The following SYNPO variants were observed in gnomAD, a reference collection of about 807,000 sequenced individuals.
SYNPO encodes the protein synaptopodin.
Under a neutral mutation model 49.5 loss-of-function variants are expected in SYNPO, and 19 were observed. That is an observed-to-expected ratio of 0.38 (90% CI 0.27 to 0.56). The LOEUF (loss-of-function observed/expected upper bound fraction) is 0.56. SYNPO is among the 20% of genes least tolerant of loss of function. The pLI is 0.68. For missense variants in SYNPO, 1,131 were observed against 1,248.3 expected, an observed-to-expected ratio of 0.91 and a Z score of 1.42; for synonymous variants, 536 against 548.0, an observed-to-expected ratio of 0.98 and a Z score of 0.31.
the SYNPO span, among the ~76,000 whole-genome samples, chr5:150,595,404 G>A: frequency 3.9e-4 from 59 of 152,350 alleles, no homozygotes; most frequent in African/African-American, 1.3e-3. Context: ...GAGGCCCAGC[G>A]AGGAGAAGAA....
At chr5:150,599,704 G>A (rs1018418041), upstream of SYNPO, among the ~76,000 whole-genome samples, 4 of 152,174 alleles carry the variant, frequency 2.6e-5, no homozygotes, top group African/African-American at 7.2e-5. Context: ...CCTGGGGGTC[G>A]GCGGTGGGGG....
At chr5:150,598,059 T>C (rs1201076513), upstream of SYNPO, among the ~76,000 whole-genome samples, 1 of 152,120 alleles carries the variant, frequency 6.6e-6, no homozygotes, top group Admixed American at 6.5e-5. Context: ...CACTCCTCAG[T>C]AGTGGGATCT....
chr5:150,656,324 C>T, intron 2 of SYNPO, 80 bp from the exon 3 acceptor site: 1 of 1,193,396 alleles, frequency 8.4e-7, no homozygotes, highest in South Asian at 1.4e-5. Flanking sequence ...ATGGACAAAT[C>T]GGACTCCGTC....
At chr5:150,627,407 G>A (rs1173643982) in intron 2 of SYNPO, among the ~76,000 whole-genome samples, 1 of 152,194 alleles carries the variant, frequency 6.6e-6, no homozygotes, top group Admixed American at 6.5e-5. Context: ...GTGACCTTGG[G>A]TAAATCCCTT....
intron 2 of SYNPO, among the ~76,000 whole-genome samples, chr5:150,633,282 T>G (rs1170316660): frequency 6.6e-6 from 1 of 152,196 alleles, no homozygotes; most frequent in South Asian, 2.1e-4. Flanking sequence ...AAGAATCTTT[T>G]AGAGGAAACT....
intron 2 of SYNPO, among the ~76,000 whole-genome samples, chr5:150,632,927 G>A (rs761691258): frequency 6.6e-6 from 1 of 152,134 alleles, no homozygotes; most frequent in Non-Finnish European, 1.5e-5. Flanking sequence ...ATGTGCAGAG[G>A]GGAGGGCAAT....
At chr5:150,636,568 G>A (rs1757721746), upstream of SYNPO, among the ~76,000 whole-genome samples, 1 of 152,200 alleles carries the variant, frequency 6.6e-6, no homozygotes, top group African/African-American at 2.4e-5. Flanking sequence ...AGGGAAACAT[G>A]GAGGGCAGGA....
intron 1 of SYNPO, among the ~76,000 whole-genome samples, chr5:150,608,160 C>T (rs1581450698): frequency 6.6e-6 from 1 of 152,200 alleles, no homozygotes; most frequent in East Asian, 1.9e-4. Flanking sequence ...GGTGGTGGTC[C>T]AGGAAGAAGC....
intron 1 of SYNPO, among the ~76,000 whole-genome samples, chr5:150,643,451 G>A (rs1561650868): frequency 6.6e-6 from 1 of 152,236 alleles, no homozygotes; most frequent in Non-Finnish European, 1.5e-5. Context: ...CAGGACTAGA[G>A]ATGTTTATCC....
At chr5:150,640,367 G>T (rs1364778503), upstream of SYNPO, among the ~76,000 whole-genome samples, 1 of 152,204 alleles carries the variant, frequency 6.6e-6, no homozygotes. Context: ...TCATTGGGCA[G>T]CTGTGGGAAC....
chr5:150,609,790 G>GGGA (rs1554107089), intron 1 of SYNPO, among the ~76,000 whole-genome samples: 1 of 151,640 alleles, frequency 6.6e-6, no homozygotes, highest in Non-Finnish European at 1.5e-5. Context: ...ATGTGGCGGG[G>GGGA]GGGGGCAGTG....
intron 2 of SYNPO, chr5:150,651,674 G>C: frequency 1.0e-6 from 1 of 1,001,046 alleles, no homozygotes; most frequent in South Asian, 4.7e-5. Context: ...GTGCATAGCA[G>C]TGCAGTGGGA....
At chr5:150,611,746 G>A (rs1172536724) in intron 1 of SYNPO, among the ~76,000 whole-genome samples, 2 of 152,224 alleles carry the variant, frequency 1.3e-5, no homozygotes, top group East Asian at 3.8e-4. Context: ...ACTAGAAGAA[G>A]GGATCGGGAC....
In SYNPO at chr5:150,648,155, C is replaced by T. The variant is rs746050334; in HGVS notation, c.-121C>T. 2.6e-6 allele frequency: 4 copies of T among 1,555,688 alleles called. No individual in the cohort carries two copies. Among genetic ancestry groups the T allele is most frequent in the Non-Finnish European group, 3.5e-6 (4 of 1,149,202 alleles). On this transcript the variant is annotated 5_prime_UTR_variant, in exon 2 of 3. Coordinates refer to ENST00000307662, the MANE Select transcript of SYNPO (RefSeq NM_007286.6). This position sits in a 1 kb window ranked among gnomAD's most constrained non-coding sequence, Gnocchi z 5.0. Reference sequence around the variant, plus strand: ...CCAGCCAGGAGTCCCTCAGAGTGCTCCCTTCAAGCCTCCCAGGCCATGCAC... The same window carrying T: ...CCAGCCAGGAGTCCCTCAGAGTGCTTCCTTCAAGCCTCCCAGGCCATGCAC...
At chr5:150,647,465 C>T (rs1045331444) in intron 1 of SYNPO, among the ~76,000 whole-genome samples, 2 of 152,186 alleles carry the variant, frequency 1.3e-5, no homozygotes, top group Admixed American at 6.5e-5. Context: ...GGACTGCTAC[C>T]TGGGAAAAGA....
rs751500174 is a variant in SYNPO at position 150,649,626 on chromosome 5, G to C, written c.1351G>C (p.Glu451Gln). 2.5e-6 allele frequency: 4 copies of C among 1,609,094 alleles called. No individual in the cohort carries two copies. The highest frequency in any genetic ancestry group is 3.4e-6 in the Non-Finnish European group (4 of 1,179,730). ...CGCGGCGGCGGAGGAGGTGGTACCA[G>C]AGTGGGCCTCCTGCCTCAAGTCACC... ...SPAAAEEVVP[E>Q]WASCLKSPRI... The change falls in exon 2 of 3, where the codon GAG (glutamate) becomes CAG (glutamine). Residue 451 changes from glutamate to glutamine, a missense_variant. By Grantham distance (29) the Glu-to-Gln change is conservative (BLOSUM62 2). Coordinates refer to ENST00000307662, the MANE Select transcript of SYNPO (RefSeq NM_007286.6).
At position 150,649,662 on chromosome 5, in the gene SYNPO, G is replaced by A; in HGVS notation, c.1387G>A (p.Ala463Thr). 5 of 1,609,856 alleles carry A rather than the reference G, an allele frequency of 3.1e-6. No homozygotes were observed. The highest frequency in any genetic ancestry group is 4.2e-6 in the Non-Finnish European group (5 of 1,179,954). ...ASCLKSPRIQ[A>T]KPKPKPNQNL... ...CTGCCTCAAGTCACCCCGCATCCAGGCCAAGCCGAAGCCCAAACCCAACCA... is the reference window on the plus strand; with the variant it reads ...CTGCCTCAAGTCACCCCGCATCCAGACCAAGCCGAAGCCCAAACCCAACCA... Residue 463 changes from alanine to threonine, a missense_variant, in exon 2 of 3, where the codon GCC becomes ACC. Physicochemically the swap from Ala to Thr is moderately conservative, Grantham distance 58 (BLOSUM62 0). Coordinates refer to ENST00000307662, the MANE Select transcript of SYNPO (RefSeq NM_007286.6).
At chr5:150,626,864 C>G (rs1009329033) in intron 2 of SYNPO, among the ~76,000 whole-genome samples, 5 of 152,116 alleles carry the variant, frequency 3.3e-5, no homozygotes, top group Non-Finnish European at 5.9e-5. Flanking sequence ...AGGTGAATGG[C>G]GACATGAGTG....
In SYNPO at chr5:150,631,841, T is replaced by C. The variant is rs141118055; in HGVS notation, c.400+13074T>C. 7.5e-3 allele frequency among the ~76,000 whole-genome samples: 1,146 copies of C among 152,066 alleles called. 15 individuals carry two copies. The highest frequency in any genetic ancestry group is 0.026 in the African/African-American group (1,084 of 41,444). ...GGCCTCAGATGCAAGCTGGTGAGAG[T>C]GCGTTCCTGGGCAGGAGGCTGCGGT... is the stretch of plus-strand genomic sequence containing the variant. On this transcript the variant is annotated intron_variant, in intron 2 of 2. Transcript: ENST00000394243.
Sources: allele counts gnomAD v4.1 joint callset (sites outside exome capture counted in the v4.1 genomes callset), GRCh38; gene constraint gnomAD v4.1.1; non-coding constraint Gnocchi (gnomAD v3.1); transcripts MANE v1.5; gene names NCBI Gene and HGNC (gene_info 2026-07-23, HGNC 2026-07-21).